The following GPC5 variants were observed in gnomAD, a reference collection of about 807,000 sequenced individuals.
The protein encoded by GPC5 is glypican 5.
In GPC5, 47 loss-of-function variants were observed where a neutral mutation model predicts 53.9. That is an observed-to-expected ratio of 0.87 (90% CI 0.69 to 1.11). The LOEUF (loss-of-function observed/expected upper bound fraction) is 1.11. Ranked by LOEUF, GPC5 falls within the 50% of genes most tolerant of loss-of-function variation. GPC5 has a pLI of 0.00. For synonymous variants in GPC5, 286 were observed against 263.3 expected (o/e 1.09, Z -0.84); for missense variants, 748 against 713.1 (o/e 1.05, Z -0.56).
Position 92,024,077 on chromosome 13 carries a change from A to G in GPC5, c.1401+116020A>G, listed in dbSNP as rs903623309. 4.6e-5 allele frequency among the ~76,000 whole-genome samples: 7 copies of G among 152,234 alleles called. No homozygotes were observed. The East Asian group carries it at 5.8e-4, about 13-fold the overall frequency. The stretch of plus-strand genomic sequence containing the variant: ...AACTGTAGGGCCAGAATTTAAGGCT[A>G]TATTCTGAGGCCCAGGCCCATAAGC... On this transcript the variant is annotated intron_variant, in intron 6 of 7. Coordinates refer to ENST00000377067, the MANE Select transcript of GPC5 (RefSeq NM_004466.6).
intron 1 of GPC5, among the ~76,000 whole-genome samples, chr13:91,423,581 G>T (rs1371552709): frequency 2.0e-5 from 3 of 152,004 alleles, no homozygotes; most frequent in African/African-American, 7.3e-5. Flanking sequence ...GAGGGGGGGT[G>T]TGGGGTGTGA....
intron 4 of GPC5, among the ~76,000 whole-genome samples, chr13:91,737,020 C>T (rs886683688): frequency 6.6e-6 from 1 of 151,174 alleles, no homozygotes; most frequent in Non-Finnish European, 1.5e-5. Flanking sequence ...AGGAGAATGG[C>T]GTGAACCTGG....
At chr13:92,236,864 T>G (rs1464962455) in intron 7 of GPC5, among the ~76,000 whole-genome samples, 1 of 151,948 alleles carries the variant, frequency 6.6e-6, no homozygotes, top group African/African-American at 2.4e-5. Flanking sequence ...TTTGTTTTGA[T>G]TACCTCTGCA....
At chr13:92,090,651 G>T (rs367576760) in intron 6 of GPC5, among the ~76,000 whole-genome samples, 2 of 152,162 alleles carry the variant, frequency 1.3e-5, no homozygotes, top group African/African-American at 4.8e-5. Flanking sequence ...TGGGAAACCC[G>T]TTAATATTGT....
chr13:92,270,106 C>T (rs1346364029), intron 7 of GPC5, among the ~76,000 whole-genome samples: 3 of 152,054 alleles, frequency 2.0e-5, no homozygotes, highest in Non-Finnish European at 2.9e-5. Flanking sequence ...GCACATATTA[C>T]AGAAATAGGA....
chr13:92,037,671 C>T (rs1047959722), intron 6 of GPC5, among the ~76,000 whole-genome samples: 1 of 152,122 alleles, frequency 6.6e-6, no homozygotes, highest in Non-Finnish European at 1.5e-5. Flanking sequence ...AATATGAATT[C>T]AGTAAATGAC....
chr13:91,512,277 TC>T (rs1170459670), intron 2 of GPC5, among the ~76,000 whole-genome samples: 1 of 152,194 alleles, frequency 6.6e-6, no homozygotes, highest in Non-Finnish European at 1.5e-5. Context: ...ACTTGGAAGT[TC>T]TTTTACTTCC....
At chr13:92,627,619 C>T (rs1228650005) in intron 7 of GPC5, among the ~76,000 whole-genome samples, 1 of 152,164 alleles carries the variant, frequency 6.6e-6, no homozygotes, top group East Asian at 1.9e-4. Flanking sequence ...ATAAAACCTC[C>T]ATGAGCAGTC....
chr13:92,007,973 A>G (rs986880811), intron 6 of GPC5, among the ~76,000 whole-genome samples: 2 of 151,902 alleles, frequency 1.3e-5, no homozygotes, highest in East Asian at 3.9e-4. Context: ...ATTTACTTCT[A>G]CATATGTTAT....
chr13:91,467,336 T>C (rs1047342566), intron 2 of GPC5, among the ~76,000 whole-genome samples: 3 of 152,168 alleles, frequency 2.0e-5, no homozygotes, highest in Non-Finnish European at 4.4e-5. Flanking sequence ...AGCTAAGTGA[T>C]CCACGATTCC....
Position 91,531,301 on chromosome 13 carries a change from G to A in GPC5, c.325+82379G>A, listed in dbSNP as rs145002790. ...AAGGGACCTTGATACTTACTGAATA[G>A]CTTTAGCTATCCAAATCATTCTAAA... On this transcript the variant is annotated intron_variant, in intron 2 of 7. Transcript: ENST00000377067. 5.3e-5 allele frequency among the ~76,000 whole-genome samples: 8 copies of A among 152,286 alleles called. No homozygotes were observed. In the East Asian group the frequency reaches 1.2e-3, roughly 22 times the overall value.
At chr13:91,550,780 G>A (rs1246226889) in intron 2 of GPC5, among the ~76,000 whole-genome samples, 1 of 152,034 alleles carries the variant, frequency 6.6e-6, no homozygotes, top group Non-Finnish European at 1.5e-5. Context: ...GGAGATAATT[G>A]ACTCATGGGG....
chr13:92,437,202 T>C (rs1198059339), intron 7 of GPC5, among the ~76,000 whole-genome samples: 1 of 152,094 alleles, frequency 6.6e-6, no homozygotes, highest in Non-Finnish European at 1.5e-5. Flanking sequence ...GGGATGTATG[T>C]GGGAGACAAA....
intron 7 of GPC5, among the ~76,000 whole-genome samples, chr13:92,831,782 T>A (rs1878053046): frequency 6.6e-6 from 1 of 152,194 alleles, no homozygotes; most frequent in Admixed American, 6.5e-5. Context: ...CCCTGTTGAT[T>A]GCCTTCCCAT....
intron 5 of GPC5, among the ~76,000 whole-genome samples, chr13:91,773,071 A>G (rs1300288117): frequency 6.6e-6 from 1 of 152,176 alleles, no homozygotes; most frequent in Non-Finnish European, 1.5e-5. Flanking sequence ...TTCGGTATCT[A>G]ATGGGATTCC....
At chr13:92,651,654 C>T (rs576817758) in intron 7 of GPC5, among the ~76,000 whole-genome samples, 7 of 152,072 alleles carry the variant, frequency 4.6e-5, no homozygotes, top group African/African-American at 1.7e-4. Context: ...GTGTGGGCTT[C>T]AGTTAATAAT....
intron 7 of GPC5, among the ~76,000 whole-genome samples, chr13:92,176,884 T>C (rs1288763000): frequency 6.6e-6 from 1 of 152,178 alleles, no homozygotes; most frequent in African/African-American, 2.4e-5. Flanking sequence ...CAATTCTCCA[T>C]CTATTTATCC....
intron 7 of GPC5, among the ~76,000 whole-genome samples, chr13:92,698,515 C>T (rs1594429434): frequency 6.6e-6 from 1 of 152,136 alleles, no homozygotes; most frequent in Non-Finnish European, 1.5e-5. Context: ...TTTATGGCTG[C>T]ATAGTATTCC....
chr13:92,846,950 GT>G (rs1566443492), intron 7 of GPC5, among the ~76,000 whole-genome samples: 2 of 152,168 alleles, frequency 1.3e-5, no homozygotes, highest in Non-Finnish European at 2.9e-5. Flanking sequence ...ACACCTCAAA[GT>G]TTGCCCTCTT....
Sources: gnomAD v4.1 joint callset for allele counts (sites outside exome capture counted in the v4.1 genomes callset) on GRCh38, gnomAD v4.1.1 for gene constraint, MANE v1.5 for transcripts, NCBI Gene and HGNC (gene_info 2026-07-23, HGNC 2026-07-21) for gene names.